Variants in INTS6 observed in about 807,000 individuals in gnomAD.
INTS6 encodes the protein DEAD box protein.
Under a neutral mutation model 104.9 loss-of-function variants are expected in INTS6, and 16 were observed. The ratio of observed to expected loss-of-function variants is 0.15; its 90% CI spans 0.10 to 0.23. The LOEUF (loss-of-function observed/expected upper bound fraction) is 0.23. INTS6 is among the 10% of genes least tolerant of loss of function. INTS6 has a pLI of 1.00. For synonymous variants in INTS6, 324 were observed against 358.7 expected, an observed-to-expected ratio of 0.90 and a Z score of 1.09; for missense variants, 584 against 1,062.8, an observed-to-expected ratio of 0.55 and a Z score of 6.26.
At chr13:51,375,972 T>C in intron 13 of INTS6, 76 bp downstream of exon 13, 1 of 1,240,376 alleles carries the variant, frequency 8.1e-7, no homozygotes, top group Non-Finnish European at 1.1e-6. Flanking sequence ...CTTTGAAATT[T>C]ACATCACCAT....
chr13:51,343,149 G>C, the INTS6 span, among the ~76,000 whole-genome samples: 4 of 152,206 alleles, frequency 2.6e-5, no homozygotes, highest in Admixed American at 1.3e-4. Context: ...AGAGGGGACA[G>C]ACCCCAAGTG....
intron 7 of INTS6, among the ~76,000 whole-genome samples, chr13:51,386,526 T>C (rs889705546): frequency 1.3e-5 from 2 of 152,182 alleles, no homozygotes; most frequent in Admixed American, 6.5e-5. Context: ...TGCACTACTT[T>C]ATTAAATCCC....
At chr13:51,420,069 T>C (rs1956867143) in intron 4 of INTS6, among the ~76,000 whole-genome samples, 1 of 152,150 alleles carries the variant, frequency 6.6e-6, no homozygotes, top group Non-Finnish European at 1.5e-5. Context: ...AAACCTAAAA[T>C]GTTCACTATC....
chr13:51,411,325 G>C (rs887867911), intron 4 of INTS6, among the ~76,000 whole-genome samples: 3 of 151,158 alleles, frequency 2.0e-5, no homozygotes, highest in Non-Finnish European at 4.4e-5. Flanking sequence ...AAACTGAGGA[G>C]GGTGGATGAC....
At chr13:51,343,548 G>A in the INTS6 span, among the ~76,000 whole-genome samples, 603 of 152,348 alleles carry the variant, frequency 4.0e-3, 2 homozygotes, top group Non-Finnish European at 6.9e-3. Flanking sequence ...CACGAAGGTG[G>A]AAGCTATCGA....
At chr13:51,352,075 T>G (rs551564651), downstream of INTS6, among the ~76,000 whole-genome samples, 32 of 152,250 alleles carry the variant, frequency 2.1e-4, no homozygotes, top group South Asian at 6.0e-3. Flanking sequence ...TTTTCAAGAT[T>G]GTTTTAGCTA....
At chr13:51,450,709 T>C in intron 3 of INTS6, 4 of 1,014,604 alleles carry the variant, frequency 3.9e-6, no homozygotes, top group Non-Finnish European at 4.7e-6. Context: ...ACATACAACA[T>C]GAGTGTGGTG....
Position 51,452,968 on chromosome 13 carries a change from G to C in INTS6, c.-443C>G, listed in dbSNP as rs1037218749. 4 of 1,019,192 alleles carry C rather than the reference G, an allele frequency of 3.9e-6. No homozygotes were observed. The African/African-American group carries it at 7.0e-5, about 18-fold the overall frequency. 63.1% of individuals were successfully genotyped at this position (1,019,192 alleles called of 1,614,324 possible). On this transcript the variant is annotated 5_prime_UTR_variant, in exon 1 of 18. Transcript: ENST00000311234. The surrounding 1 kb of genome is among the most constrained non-coding windows in gnomAD (Gnocchi z 4.2). ...AAGATTGGCCCTGGGGCTGTTGGGA[G>C]AAGTTTCAGGGACTCCCTCCGCACC...
intron 3 of INTS6, among the ~76,000 whole-genome samples, chr13:51,434,662 T>A (rs948143652): frequency 6.6e-6 from 1 of 152,106 alleles, no homozygotes; most frequent in South Asian, 2.1e-4. Flanking sequence ...TATAAATGTT[T>A]GACATTAACA....
At chr13:51,336,729 A>T in the INTS6 span, among the ~76,000 whole-genome samples, 1 of 152,338 alleles carries the variant, frequency 6.6e-6, no homozygotes, top group Non-Finnish European at 1.5e-5. Context: ...CTTCACAGTG[A>T]GAGGTAGGTA....
rs1956315931 is a variant in INTS6 at position 51,395,343 on chromosome 13, A to C, written c.570T>G (p.Pro190=). 6.2e-7 allele frequency: 1 copy of C among 1,612,876 alleles called. No individual in the cohort carries two copies. Among genetic ancestry groups the C allele is most frequent in the African/African-American group, 1.3e-5 (1 of 74,844 alleles). Residue 190 remains proline, a synonymous_variant, in exon 5 of 18, where the codon CCT becomes CCG. Coordinates refer to ENST00000311234, the MANE Select transcript of INTS6 (RefSeq NM_012141.3). The part of the protein sequence containing the change: ...SVESEQLTGV[P]LDDSAITPMC... Reference sequence around the variant, plus strand: ...TTGGTGTGATTGCAGAGTCATCTAAAGGCACACCTGTCAACTGTTCTGATT... The same window carrying C: ...TTGGTGTGATTGCAGAGTCATCTAACGGCACACCTGTCAACTGTTCTGATT...
the INTS6 span, among the ~76,000 whole-genome samples, chr13:51,345,721 G>A: frequency 6.6e-6 from 1 of 151,870 alleles, no homozygotes; most frequent in South Asian, 2.1e-4. Context: ...TTGTGATAAA[G>A]TTCTCTCTCA....
chr13:51,393,848 A>G (rs551389828), intron 5 of INTS6, among the ~76,000 whole-genome samples: 2 of 152,250 alleles, frequency 1.3e-5, no homozygotes, highest in African/African-American at 4.8e-5. Flanking sequence ...TACACCACTC[A>G]CTTGACTTCA....
chr13:51,388,852 G>GA (rs1490709423), intron 6 of INTS6, among the ~76,000 whole-genome samples: 2 of 152,036 alleles, frequency 1.3e-5, no homozygotes, highest in African/African-American at 4.8e-5. Flanking sequence ...GCTAGAGTTA[G>GA]AAGAATCAAG....
intron 17 of INTS6, 144 bp downstream of exon 17, chr13:51,367,661 A>G: frequency 2.0e-6 from 1 of 494,920 alleles, no homozygotes; most frequent in South Asian, 3.2e-5. Context: ...ATAAACTAAA[A>G]AAGAATAAGA....
At chr13:51,377,628 G>A (rs1028075405) in intron 12 of INTS6, among the ~76,000 whole-genome samples, 3 of 152,102 alleles carry the variant, frequency 2.0e-5, no homozygotes, top group Non-Finnish European at 4.4e-5. Context: ...GACTGTGTGT[G>A]TGAGGGCCTA....
Position 51,374,665 on chromosome 13 carries a change from G to T in INTS6, c.1861C>A (p.Leu621Met), listed in dbSNP as rs753984232. 6.2e-7 allele frequency: 1 copy of T among 1,613,028 alleles called. No individual in the cohort carries two copies. The highest frequency in any genetic ancestry group is 1.7e-5 in the Admixed American group (1 of 59,992). Residue 621 changes from leucine to methionine, a missense_variant, in exon 14 of 18, where the codon CTG becomes ATG. Leu to Met is a conservative substitution (Grantham distance 15). Coordinates refer to ENST00000311234, the MANE Select transcript of INTS6 (RefSeq NM_012141.3). ...RLHTFGNPFK[L>M]DKKGMMIDEA... ...CATTTCAAAATTACCTTCTTATCCA[G>T]CTTAAAGGGGTTGCCAAATGTATGC...
chr13:51,443,434 T>C (rs371069565), intron 3 of INTS6: 2 of 152,176 alleles, frequency 1.3e-5, no homozygotes, highest in South Asian at 2.1e-4. Flanking sequence ...AATAAAAATG[T>C]TAGAGATCAG....
At position 51,368,783 on chromosome 13, in the gene INTS6, G is replaced by T. The variant is rs142681912; in HGVS notation, c.2476+156C>A. 1.9e-3 allele frequency among the ~76,000 whole-genome samples: 283 copies of T among 152,174 alleles called. 2 individuals are homozygous for T. The highest frequency in any genetic ancestry group is 6.8e-3 in the South Asian group (33 of 4,828). ...TTGGAAATAGAAGATATTTGGTGTT[G>T]GTCAGATGAATAAAGGATCTTAACT... On this transcript the variant is annotated intron_variant, in intron 16 of 17. Coordinates refer to ENST00000311234, the MANE Select transcript of INTS6 (RefSeq NM_012141.3).
Sources: gnomAD v4.1 joint callset for allele counts (sites outside exome capture counted in the v4.1 genomes callset) on GRCh38, gnomAD v4.1.1 for gene constraint, Gnocchi (gnomAD v3.1) non-coding constraint, MANE v1.5 for transcripts, NCBI Gene and HGNC (gene_info 2026-07-23, HGNC 2026-07-21) for gene names.